PTPN21: variants seen among roughly 807,000 people sequenced by gnomAD.
PTPN21 encodes the protein tyrosine-protein phosphatase non-receptor type 21.
In PTPN21, 77 loss-of-function variants were observed where a neutral mutation model predicts 131.8. The ratio of observed to expected loss-of-function variants is 0.58; its 90% CI spans 0.49 to 0.71. The LOEUF (loss-of-function observed/expected upper bound fraction) is 0.71, where lower values mean the gene tolerates loss of function less well. Among genes scored for constraint, PTPN21 ranks in the 30% least tolerant of loss-of-function variants. The pLI is 0.00. For synonymous variants in PTPN21, 715 were observed against 621.3 expected (o/e 1.15, Z -2.24); for missense variants, 1,552 against 1,527.1 (o/e 1.02, Z -0.27).
At chr14:88,528,025 G>C (rs1311102965) in intron 2 of PTPN21, among the ~76,000 whole-genome samples, 3 of 152,104 alleles carry the variant, frequency 2.0e-5, no homozygotes, top group Non-Finnish European at 4.4e-5. Flanking sequence ...TTTTATACCA[G>C]TACCATGCTG....
chr14:88,490,770 C>T (rs558666272), intron 10 of PTPN21, among the ~76,000 whole-genome samples: 26 of 152,334 alleles, frequency 1.7e-4, no homozygotes, highest in Non-Finnish European at 2.8e-4. Context: ...CTGCGCTCAG[C>T]GAGTGGCCTG....
At chr14:88,518,658 T>C (rs886242590) in intron 2 of PTPN21, among the ~76,000 whole-genome samples, 12 of 150,720 alleles carry the variant, frequency 8.0e-5, no homozygotes, top group African/African-American at 2.9e-4. Context: ...CTCGAACTCC[T>C]GACCTCAGTT....
At chr14:88,485,895 C>A in intron 10 of PTPN21, 53 bp from the exon 11 acceptor site, 1 of 1,104,596 alleles carries the variant, frequency 9.1e-7, no homozygotes, top group Non-Finnish European at 1.4e-6. Context: ...CTCTTAAATT[C>A]TACCAAAACA....
intron 2 of PTPN21, among the ~76,000 whole-genome samples, chr14:88,546,138 C>T (rs1357915016): frequency 2.7e-5 from 4 of 149,924 alleles, no homozygotes; most frequent in East Asian, 1.9e-4. Context: ...ATATCTTAGA[C>T]ACTTGTAAAA....
At chr14:88,551,464 C>G (rs1595427577) in intron 1 of PTPN21, 1 of 152,374 alleles carries the variant, frequency 6.6e-6, no homozygotes, top group South Asian at 2.1e-4. Flanking sequence ...TTGGGAAGAG[C>G]ACGCGGCGTT....
intron 2 of PTPN21, among the ~76,000 whole-genome samples, chr14:88,527,976 T>C (rs2078504088): frequency 1.3e-5 from 2 of 152,200 alleles, no homozygotes; most frequent in Admixed American, 1.3e-4. Context: ...GTATTTGGCT[T>C]TATTTCTGGG....
Position 88,480,104 on chromosome 14 carries a change from G to A in PTPN21, c.1327C>T (p.Pro443Ser), listed in dbSNP as rs150296386. 3.7e-6 allele frequency: 6 copies of A among 1,614,076 alleles called. No homozygotes were observed. Among genetic ancestry groups the A allele is most frequent in the African/African-American group, 2.7e-5 (2 of 74,938 alleles). ...PSHRHSAVIP[P>S]SYRPTPDYET... ...TAGTCTGGGGTGGGGCGGTAGGACG[G>A]GGGTATCACGGCGCTGTGCCGATGG... The change falls in exon 13 of 19, where the codon CCG (proline) becomes TCG (serine). Residue 443 changes from proline to serine, a missense_variant. Pro to Ser is a moderately conservative substitution (Grantham distance 74, BLOSUM62 -1). Around this residue, in one of 4 missense-constraint regions of PTPN21, gnomAD observed 1,016 missense variants for 883.5 expected, o/e 1.15. Transcript: ENST00000556564.
At chr14:88,514,888 C>A (rs1016313514) in intron 3 of PTPN21, 1 of 152,084 alleles carries the variant, frequency 6.6e-6, no homozygotes, top group Non-Finnish European at 1.5e-5. Context: ...ATATATATAT[C>A]CATGAAACCA....
At chr14:88,545,677 T>A (rs2078765942) in intron 2 of PTPN21, among the ~76,000 whole-genome samples, 1 of 152,244 alleles carries the variant, frequency 6.6e-6, no homozygotes, top group Non-Finnish European at 1.5e-5. Flanking sequence ...CATTTTCCCA[T>A]TTTTAAAAGT....
At position 88,485,825 on chromosome 14, in the gene PTPN21, G is replaced by A; in HGVS notation, c.950C>T (p.Thr317Ile). The change falls in exon 11 of 19, where the codon ACA (threonine) becomes ATA (isoleucine). Residue 317 changes from threonine (T) to isoleucine (I), a missense_variant. Thr to Ile is a moderately conservative substitution (Grantham distance 89). Coordinates refer to ENST00000556564, the MANE Select transcript of PTPN21 (RefSeq NM_007039.4). ...AGACCTCCTCCTGATTGGGTTCACTGTGACAGTCTGAGTTTGCCTATAAAA... is the reference window on the plus strand; with the variant it reads ...AGACCTCCTCCTGATTGGGTTCACTATGACAGTCTGAGTTTGCCTATAAAA... ...NQCNLQTQTV[T>I]VNPIRRRSSS... The A allele has an allele frequency of 6.2e-7, 1 of 1,607,712 alleles. No individual in the cohort carries two copies. Among genetic ancestry groups the A allele is most frequent in the Non-Finnish European group, 8.5e-7 (1 of 1,174,822 alleles).
intron 13 of PTPN21, among the ~76,000 whole-genome samples, chr14:88,478,400 A>T (rs560462978): frequency 6.6e-6 from 1 of 152,174 alleles, no homozygotes; most frequent in South Asian, 2.1e-4. Context: ...CTCCAGAATC[A>T]CTCTGGAGAA....
intron 10 of PTPN21, among the ~76,000 whole-genome samples, chr14:88,494,047 T>C (rs928226778): frequency 1.3e-5 from 2 of 151,796 alleles, no homozygotes; most frequent in African/African-American, 4.8e-5. Context: ...AACAAACAAA[T>C]ATAGAAATTC....
chr14:88,486,354 A>T (rs2077733270), intron 10 of PTPN21, among the ~76,000 whole-genome samples: 1 of 152,180 alleles, frequency 6.6e-6, no homozygotes, highest in South Asian at 2.1e-4. Context: ...TCTGTTAACC[A>T]CAGACTACAA....
intron 3 of PTPN21, chr14:88,512,506 T>C (rs1198889633): frequency 6.6e-6 from 1 of 152,216 alleles, no homozygotes; most frequent in Non-Finnish European, 1.5e-5. Flanking sequence ...TCATGTAGAA[T>C]TTCCTGCCTT....
chr14:88,554,595 C>T (rs1323722415), intron 1 of PTPN21, 56 bp downstream of exon 1: 1 of 149,878 alleles, frequency 6.7e-6, no homozygotes, highest in African/African-American at 2.4e-5. Flanking sequence ...GTGGACACAC[C>T]CCACCGCTCG....
chr14:88,529,930 C>CA (rs2078531043), intron 2 of PTPN21, among the ~76,000 whole-genome samples: 1 of 150,232 alleles, frequency 6.7e-6, no homozygotes, highest in Non-Finnish European at 1.5e-5. Flanking sequence ...AGCAGTGAGC[C>CA]AAAATCACAC....
At chr14:88,490,120 T>C (rs2077801448) in intron 10 of PTPN21, among the ~76,000 whole-genome samples, 1 of 151,932 alleles carries the variant, frequency 6.6e-6, no homozygotes, top group African/African-American at 2.4e-5. Flanking sequence ...GGGATTCTCC[T>C]GCCTCAGCCT....
chr14:88,504,644 C>A, intron 5 of PTPN21, 149 bp from the exon 6 acceptor site: 1 of 554,276 alleles, frequency 1.8e-6, no homozygotes, highest in East Asian at 3.1e-5. Context: ...CATAGGTAAT[C>A]ATCTTTCTAA....
intron 2 of PTPN21, among the ~76,000 whole-genome samples, chr14:88,546,575 C>CAA (rs34657413): frequency 3.0e-5 from 3 of 100,188 alleles, no homozygotes; most frequent in South Asian, 3.6e-4. Context: ...AACTCCATCT[C>CAA]AAAAAAAAAA....
Sources: gnomAD v4.1 joint callset for allele counts (sites outside exome capture counted in the v4.1 genomes callset) on GRCh38, gnomAD v4.1.1 for gene constraint, gnomAD v4.1.1 regional missense constraint, MANE v1.5 for transcripts, NCBI Gene and HGNC (gene_info 2026-07-23, HGNC 2026-07-21) for gene names.